Variants in MYO3A observed in about 807,000 individuals in gnomAD.
MYO3A encodes myosin IIIA, also known as myosin-IIIa.
In MYO3A, 180 loss-of-function variants were observed where a neutral mutation model predicts 192.7. The observed-to-expected ratio is 0.93, with a 90% confidence interval of 0.83 to 1.06. The LOEUF (loss-of-function observed/expected upper bound fraction) is 1.06. Among genes scored for constraint, MYO3A ranks in the 50% least tolerant of loss-of-function variants. The probability of loss-of-function intolerance (pLI) is 0.00; values close to 1 mark genes in which losing one functional copy is unlikely to be tolerated. For missense variants in MYO3A, 1,896 were observed against 1,905.0 expected, an observed-to-expected ratio of 1.00 and a Z score of 0.09; for synonymous variants, 628 against 645.3, an observed-to-expected ratio of 0.97 and a Z score of 0.41.
chr10:26,021,631 A>G lies in MYO3A; in HGVS notation c.714A>G (p.Ala238=), dbSNP rs1842311455. The stretch of plus-strand genomic sequence containing the variant: ...TAGCTGACCTTCATCCCATGAGAGC[A>G]CTCTTCAAAATACCAAGGTCAGATG... ...PPLADLHPMR[A]LFKIPRNPPP... is the part of the protein sequence containing the mutation. Residue 238 remains alanine (A), a synonymous_variant, in exon 8 of 35, where the codon GCA becomes GCG. Transcript: ENST00000642920. 2 of 1,613,920 alleles carry G rather than the reference A, an allele frequency of 1.2e-6. No individual in the cohort carries two copies. The highest frequency in any genetic ancestry group is 2.2e-5 in the East Asian group (1 of 44,874).
intron 8 of MYO3A, chr10:26,022,604 A>G (rs1842362796): frequency 6.6e-6 from 1 of 152,204 alleles, no homozygotes; most frequent in African/African-American, 2.4e-5. Context: ...AAACAACATT[A>G]TGGAAAAGAA....
chr10:26,024,990 A>G (rs1277759513), intron 9 of MYO3A, among the ~76,000 whole-genome samples: 1 of 152,212 alleles, frequency 6.6e-6, no homozygotes, highest in Non-Finnish European at 1.5e-5. Flanking sequence ...AGTGTCTAGC[A>G]GAGTAACTCC....
rs1317190502 is a variant in MYO3A, at chr10:26,143,618, G to T, written c.2416+17G>T. The T allele has an allele frequency of 5.0e-6, 8 of 1,613,408 alleles. No homozygotes were observed. The highest frequency in any genetic ancestry group is 6.8e-6 in the Non-Finnish European group (8 of 1,179,456). The stretch of plus-strand genomic sequence containing the variant: ...CTCTTGTAGGTGAGTTTTCAGTCCA[G>T]TGTGTCTGCATGGTTTTATGAATAG... On this transcript the variant is annotated intron_variant, in intron 21 of 34. Coordinates refer to ENST00000642920, the MANE Select transcript of MYO3A (RefSeq NM_017433.5).
At chr10:26,192,655 CTTTT>C (rs35651453) in intron 31 of MYO3A, among the ~76,000 whole-genome samples, 1 of 130,928 alleles carries the variant, frequency 7.6e-6, no homozygotes, top group African/African-American at 2.9e-5. Context: ...CCTTTCTTTC[CTTTT>C]TTTTTTTTCT....
chr10:26,112,371 A>G (rs1309133467), intron 17 of MYO3A, among the ~76,000 whole-genome samples: 1 of 152,224 alleles, frequency 6.6e-6, no homozygotes, highest in African/African-American at 2.4e-5. Flanking sequence ...GATTTGGTAG[A>G]AATAAACCGC....
rs138218891 is a variant in MYO3A, at chr10:26,207,065, T to G, written c.4730+3958T>G. On this transcript the variant is annotated intron_variant, in intron 34 of 34. Coordinates refer to ENST00000642920, the MANE Select transcript of MYO3A (RefSeq NM_017433.5). ...GGGTTATTGGAGGGTTGTTTTCTGT[T>G]TGGGTTTTTTTTTTCTAAGTTGTAT... 8.5e-3 allele frequency among the ~76,000 whole-genome samples: 1,286 copies of G among 151,298 alleles called. 17 individuals carry two copies. The highest frequency in any genetic ancestry group is 0.029 in the African/African-American group (1,177 of 40,976).
intron 6 of MYO3A, among the ~76,000 whole-genome samples, chr10:26,016,038 G>A (rs7917203): frequency 0.094 from 14,257 of 151,988 alleles, 1,154 homozygotes; most frequent in African/African-American, 0.21. Flanking sequence ...AAGGTGAAGG[G>A]TAGGAGCTCT....
intron 6 of MYO3A, 89 bp downstream of exon 6, chr10:25,997,347 G>C: frequency 9.9e-7 from 1 of 1,008,044 alleles, no homozygotes; most frequent in South Asian, 1.3e-5. Flanking sequence ...TTCCTTTCTA[G>C]GTATTGGAAA....
At chr10:26,168,641 T>G in intron 27 of MYO3A, 71 bp from the exon 28 acceptor site, 1 of 1,496,170 alleles carries the variant, frequency 6.7e-7, no homozygotes, top group South Asian at 1.2e-5. Flanking sequence ...TGTTCTGTTC[T>G]TCAAAGCACA....
intron 10 of MYO3A, among the ~76,000 whole-genome samples, chr10:26,053,622 G>A (rs1023418646): frequency 2.0e-5 from 3 of 152,080 alleles, no homozygotes; most frequent in Non-Finnish European, 2.9e-5. Context: ...TCAGGAGTTC[G>A]AGACCAGTCT....
chr10:26,123,700 G>T (rs2131720633), intron 18 of MYO3A, among the ~76,000 whole-genome samples: 1 of 152,294 alleles, frequency 6.6e-6, no homozygotes, highest in Admixed American at 6.5e-5. Context: ...GCCAAGACGG[G>T]CAGATCACGA....
chr10:26,100,417 T>C (rs868187482), intron 17 of MYO3A, among the ~76,000 whole-genome samples: 31 of 152,242 alleles, frequency 2.0e-4, no homozygotes, highest in African/African-American at 7.5e-4. Context: ...AGTTCTGCTC[T>C]TGTCTTAGTT....
intron 32 of MYO3A, among the ~76,000 whole-genome samples, chr10:26,195,644 TCTC>T (rs1843372669): frequency 6.6e-6 from 1 of 152,080 alleles, no homozygotes; most frequent in African/African-American, 2.4e-5. Context: ...TAACCTGCAT[TCTC>T]CTCTTCAAAT....
At chr10:26,154,858 G>A in intron 25 of MYO3A, 35 bp downstream of exon 25, 1 of 1,558,022 alleles carries the variant, frequency 6.4e-7, no homozygotes. Context: ...TGTGCTTAGG[G>A]GTGCTATTTA....
At chr10:26,082,703 A>G (rs374901507) in intron 14 of MYO3A, among the ~76,000 whole-genome samples, 1 of 152,164 alleles carries the variant, frequency 6.6e-6, no homozygotes, top group Non-Finnish European at 1.5e-5. Flanking sequence ...AAAGTATAAC[A>G]CTATACTGTA....
At chr10:26,129,067 A>C (rs1460704602) in intron 20 of MYO3A, among the ~76,000 whole-genome samples, 1 of 152,210 alleles carries the variant, frequency 6.6e-6, no homozygotes, top group Non-Finnish European at 1.5e-5. Context: ...AATCAGACTT[A>C]AATCACATTT....
intron 6 of MYO3A, among the ~76,000 whole-genome samples, chr10:26,004,949 C>T (rs1489828924): frequency 2.6e-5 from 4 of 152,070 alleles, no homozygotes; most frequent in African/African-American, 9.7e-5. Context: ...CATTTGGTAA[C>T]CATCTATGTA....
At chr10:25,985,888 C>CA (rs1308868611) in intron 4 of MYO3A, among the ~76,000 whole-genome samples, 1 of 151,898 alleles carries the variant, frequency 6.6e-6, no homozygotes, top group African/African-American at 2.4e-5. Context: ...TAGGACATAA[C>CA]AAAAAAAGGA....
At chr10:26,147,287 C>CATT (rs1223654610) in intron 22 of MYO3A, 143 bp from the exon 23 acceptor site, 5 of 772,434 alleles carry the variant, frequency 6.5e-6, no homozygotes, top group Non-Finnish European at 1.1e-5. Context: ...TGATAAGGGG[C>CATT]TACCTTAGTA....
Sources: allele counts gnomAD v4.1 joint callset (sites outside exome capture counted in the v4.1 genomes callset), GRCh38; gene constraint gnomAD v4.1.1; transcripts MANE v1.5; gene names NCBI Gene and HGNC (gene_info 2026-07-23, HGNC 2026-07-21).